TRPC4AP: variants seen among roughly 807,000 people sequenced by gnomAD.
TRPC4AP encodes the protein short transient receptor potential channel 4-associated protein.
Under a neutral mutation model 99.0 loss-of-function variants are expected in TRPC4AP, and 45 were observed. The observed-to-expected ratio is 0.45, with a 90% CI of 0.36 to 0.58. The LOEUF is 0.58. TRPC4AP is among the 20% of genes least tolerant of loss of function. The pLI, the probability that TRPC4AP is intolerant of heterozygous loss-of-function variation, is 0.00. For synonymous variants in TRPC4AP, 408 were observed against 385.8 expected (o/e 1.06, Z -0.67); for missense variants, 879 against 985.3 (o/e 0.89, Z 1.44).
At chr20:35,012,977 A>T (rs2082673136) in intron 11 of TRPC4AP, 31 bp downstream of exon 11, 1 of 1,612,206 alleles carries the variant, frequency 6.2e-7, no homozygotes, top group South Asian at 1.1e-5. Flanking sequence ...CAGCCCAACA[A>T]CTCTCCTTGC....
At chr20:35,079,853 C>T (rs2084583920) in intron 1 of TRPC4AP, among the ~76,000 whole-genome samples, 1 of 99,766 alleles carries the variant, frequency 1.0e-5, no homozygotes, top group Admixed American at 1.3e-4. Context: ...CTCGCCTCTA[C>T]TAAAAATAAA....
intron 5 of TRPC4AP, 31 bp from the exon 6 acceptor site, chr20:35,050,025 G>A (rs367772252): frequency 1.6e-5 from 25 of 1,602,690 alleles, no homozygotes; most frequent in Non-Finnish European, 2.0e-5. Context: ...AGAATAGGTT[G>A]TAAGTACAAA....
At chr20:35,004,648 G>A (rs1277577371) in intron 16 of TRPC4AP, 78 bp from the exon 17 acceptor site, 49 of 1,227,212 alleles carry the variant, frequency 4.0e-5, no homozygotes, top group Non-Finnish European at 5.3e-5. Context: ...GTGGAGCCCC[G>A]CTTGGGTCCT....
intron 8 of TRPC4AP, among the ~76,000 whole-genome samples, chr20:35,031,731 C>T (rs2083199490): frequency 5.9e-5 from 9 of 151,968 alleles, no homozygotes; most frequent in Admixed American, 3.3e-4. Flanking sequence ...CTTAATAGTG[C>T]CCCACATTAT....
intron 9 of TRPC4AP, among the ~76,000 whole-genome samples, chr20:35,019,588 C>T (rs1356579956): frequency 6.6e-6 from 1 of 152,180 alleles, no homozygotes; most frequent in Non-Finnish European, 1.5e-5. Flanking sequence ...ATTCAAACAA[C>T]TGTGAAAGTG....
chr20:35,086,521 ATATATGTGTGTGTG>A lies in TRPC4AP; in HGVS notation c.168+6079_168+6092del, dbSNP rs1267425460. On this transcript the variant is annotated intron_variant, in intron 1 of 18. Transcript: ENST00000252015. ...TGTGTATATATATGTGTGTGTGTGT[ATATATGTGTGTGTG>A]TGTGTGTGTGTGTGTGTGTGTGTGT... is the stretch of plus-strand genomic sequence containing the variant. Among the ~76,000 whole-genome samples, 4 of 61,842 alleles carry A rather than the reference ATATATGTGTGTGTG, an allele frequency of 6.5e-5. 1 individual carries two copies. Among genetic ancestry groups the A allele is most frequent in the African/African-American group, 2.7e-4 (4 of 14,670 alleles). 40.6% of individuals were successfully genotyped at this position (61,842 alleles called of 152,430 possible).
At chr20:35,061,987 C>T (rs1026964705) in intron 3 of TRPC4AP, among the ~76,000 whole-genome samples, 4 of 152,046 alleles carry the variant, frequency 2.6e-5, no homozygotes, top group African/African-American at 9.7e-5. Flanking sequence ...AATAAAAAGA[C>T]AACCCAATCA....
intron 11 of TRPC4AP, 97 bp from the exon 12 acceptor site, chr20:35,010,385 G>A (rs968157093): frequency 1.3e-5 from 13 of 977,622 alleles, no homozygotes; most frequent in Non-Finnish European, 2.0e-5. Flanking sequence ...ACTTCCTGTG[G>A]ACAGAATCTG....
intron 8 of TRPC4AP, among the ~76,000 whole-genome samples, chr20:35,034,817 G>A (rs964446544): frequency 1.2e-4 from 18 of 152,098 alleles, no homozygotes; most frequent in African/African-American, 3.9e-4. Flanking sequence ...AAAAAGAGAC[G>A]AGGAGAGAAG....
intron 7 of TRPC4AP, among the ~76,000 whole-genome samples, chr20:35,038,556 C>G (rs2083375661): frequency 6.6e-6 from 1 of 151,506 alleles, no homozygotes; most frequent in Non-Finnish European, 1.5e-5. Flanking sequence ...GAGAGCAGCA[C>G]TTATTTTATA....
At chr20:35,010,456 ACT>A (rs2147272037) in intron 11 of TRPC4AP, among the ~76,000 whole-genome samples, 168 bp from the exon 12 acceptor site, 1 of 151,858 alleles carries the variant, frequency 6.6e-6, no homozygotes, top group Admixed American at 6.5e-5. Context: ...GCAGGAGGGA[ACT>A]CTGGGCTCTC....
At chr20:35,047,809 G>A (rs1035853855) in intron 6 of TRPC4AP, among the ~76,000 whole-genome samples, 4 of 152,152 alleles carry the variant, frequency 2.6e-5, no homozygotes, top group African/African-American at 9.7e-5. Flanking sequence ...AAGAATCACT[G>A]TTCTAGGACT....
chr20:35,077,225 T>C (rs1201251662), intron 2 of TRPC4AP, among the ~76,000 whole-genome samples: 1 of 152,098 alleles, frequency 6.6e-6, no homozygotes, highest in Non-Finnish European at 1.5e-5. Flanking sequence ...GGTGAGGCAA[T>C]GCCCCGCCCT....
At chr20:35,016,205 G>A in intron 9 of TRPC4AP, 66 bp from the exon 10 acceptor site, 1 of 1,580,544 alleles carries the variant, frequency 6.3e-7, no homozygotes, top group Middle Eastern at 1.7e-4. Flanking sequence ...AAAACCTCGT[G>A]CTCAGTACAC....
At chr20:35,008,891 G>A (rs887324726) in intron 12 of TRPC4AP, 144 bp from the exon 13 acceptor site, 1 of 678,056 alleles carries the variant, frequency 1.5e-6, no homozygotes. Context: ...ACTGGGTCCA[G>A]AGCCCCGGAG....
chr20:35,004,583 G>GC lies in TRPC4AP; in HGVS notation c.1937-14dup, dbSNP rs768651059. ...AGTACCTCGGCAACTGTGGAGGGAG[G>GC]CAGGGGTGCAGCAGGTCAGGCTTAG... is the stretch of plus-strand genomic sequence containing the variant. On this transcript the variant is annotated splice_polypyrimidine_tract_variant and intron_variant, in intron 16 of 18. Coordinates refer to ENST00000252015, the MANE Select transcript of TRPC4AP (RefSeq NM_015638.3). 1.9e-6 allele frequency: 3 copies of GC among 1,610,334 alleles called. No homozygotes were observed. In the South Asian group the frequency reaches 3.3e-5, roughly 18 times the overall value.
chr20:35,011,220 G>A (rs2082628482), intron 11 of TRPC4AP, among the ~76,000 whole-genome samples: 1 of 151,934 alleles, frequency 6.6e-6, no homozygotes, highest in Non-Finnish European at 1.5e-5. Flanking sequence ...TCATGCCACT[G>A]CACTCCAGCC....
At chr20:35,062,767 T>C (rs1048284533) in intron 3 of TRPC4AP, among the ~76,000 whole-genome samples, 2 of 152,218 alleles carry the variant, frequency 1.3e-5, no homozygotes, top group African/African-American at 4.8e-5. Context: ...AAATCAATTG[T>C]GGTGACAGTG....
intron 6 of TRPC4AP, among the ~76,000 whole-genome samples, chr20:35,044,992 A>G (rs1208145849): frequency 6.6e-6 from 1 of 152,142 alleles, no homozygotes; most frequent in African/African-American, 2.4e-5. Flanking sequence ...TTCTTGTGGT[A>G]TATTTTGCCT....
Sources: gnomAD v4.1 joint callset for allele counts (sites outside exome capture counted in the v4.1 genomes callset) on GRCh38, gnomAD v4.1.1 for gene constraint, MANE v1.5 for transcripts, NCBI Gene and HGNC (gene_info 2026-07-23, HGNC 2026-07-21) for gene names.